Variants in TRIM49B observed in about 807,000 individuals in gnomAD.
TRIM49B encodes putative tripartite motif-containing protein 49B.
A neutral mutation model predicts 31.8 loss-of-function variants in TRIM49B; 18 were observed. The observed-to-expected ratio is 0.57, with a 90% CI of 0.39 to 0.84. The LOEUF (loss-of-function observed/expected upper bound fraction) is 0.84. Among genes scored for constraint, TRIM49B ranks in the 40% least tolerant of loss-of-function variants. The pLI is 0.00. For missense variants in TRIM49B, 494 were observed against 538.7 expected (o/e 0.92, Z 0.82); for synonymous variants, 196 against 180.6 (o/e 1.09, Z -0.68).
intron 2 of TRIM49B, 26 bp from the exon 3 acceptor site, chr11:49,032,250 T>A (rs1244721235): frequency 1.9e-5 from 31 of 1,612,522 alleles, no homozygotes; most frequent in Non-Finnish European, 2.4e-5. Context: ...TCTGCACTGG[T>A]GCTTCAATTT....
chr11:49,034,086 G>A (rs1854488233), intron 3 of TRIM49B, 60 bp from the exon 4 acceptor site: 2 of 1,609,238 alleles, frequency 1.2e-6, no homozygotes, highest in Non-Finnish European at 1.7e-6. Flanking sequence ...AGGAATCAGT[G>A]AGATTTAATA....
intron 5 of TRIM49B, among the ~76,000 whole-genome samples, chr11:49,035,773 C>T (rs1193583548): frequency 2.6e-5 from 4 of 151,954 alleles, no homozygotes; most frequent in Admixed American, 2.6e-4. Flanking sequence ...AGTATTTTAG[C>T]AGTGAAAAAG....
intron 5 of TRIM49B, 28 bp from the exon 6 acceptor site, chr11:49,036,273 T>C: frequency 6.4e-7 from 1 of 1,570,448 alleles, no homozygotes; most frequent in Non-Finnish European, 8.7e-7. Flanking sequence ...TGGCTGTAGA[T>C]GTTGTAACTG....
chr11:49,032,042 A>G, intron 2 of TRIM49B, 32 bp downstream of exon 2: 1 of 1,611,812 alleles, frequency 6.2e-7, no homozygotes, highest in Non-Finnish European at 8.5e-7. Context: ...CGATTTCTGT[A>G]AAGGATACAT....
rs1162056301 is a variant in TRIM49B, at chr11:49,035,339, A to AT, written c.761+260dup. ...ACTAAAACAAACAATTTGATTCCTG[A>AT]TTTTTTTTTTTTTTTTTTTTTTTTT... On this transcript the variant is annotated intron_variant, in intron 5 of 6. Coordinates refer to ENST00000332682, the MANE Select transcript of TRIM49B (RefSeq NM_001206626.2). 3.8e-3 allele frequency among the ~76,000 whole-genome samples: 216 copies of AT among 56,800 alleles called. 42 individuals are homozygous for AT. Among genetic ancestry groups the AT allele is most frequent in the South Asian group, 0.012 (12 of 984 alleles). The allele number at this position is 56,800 out of a possible 152,430, so 37.3% of individuals were successfully genotyped here. A position where few individuals can be genotyped will look rare whatever the true frequency, so the allele number is the denominator to read the frequency against.
intron 1 of TRIM49B, among the ~76,000 whole-genome samples, chr11:49,030,188 T>G (rs1405253704): frequency 6.6e-6 from 1 of 151,884 alleles, no homozygotes; most frequent in Non-Finnish European, 1.5e-5. Flanking sequence ...AATACAAAAA[T>G]TAGCCAGGCC....
intron 1 of TRIM49B, among the ~76,000 whole-genome samples, chr11:49,030,389 A>G (rs1159921095): frequency 6.6e-6 from 1 of 152,162 alleles, no homozygotes; most frequent in Non-Finnish European, 1.5e-5. Flanking sequence ...TTCTCAGAAC[A>G]TACATCTGTC....
At position 49,036,307 on chromosome 11, in the gene TRIM49B, G is replaced by A. The variant is rs1251815418; in HGVS notation, c.768G>A (p.Glu256=). 5 of 1,540,146 alleles carry A rather than the reference G, an allele frequency of 3.2e-6. No homozygotes were observed. In the South Asian group the frequency reaches 3.6e-5, roughly 11 times the overall value. The part of the protein sequence containing the change: ...QAFGDILHRS[E]SVLLHMPQPL... ...TGCAGGTTTTTCCTTGCAGGAGTGA[G>A]TCCGTGCTGCTGCACATGCCCCAGC... The change falls in exon 6 of 7, where the codon GAG becomes GAA. Residue 256 remains glutamate, a synonymous_variant. Coordinates refer to ENST00000332682, the MANE Select transcript of TRIM49B (RefSeq NM_001206626.2).
chr11:49,037,045 T>A (rs1330391421), intron 6 of TRIM49B, among the ~76,000 whole-genome samples: 1 of 152,202 alleles, frequency 6.6e-6, no homozygotes, highest in Non-Finnish European at 1.5e-5. Flanking sequence ...TGCTTTAAAT[T>A]ATCACTTATA....
At position 49,037,824 on chromosome 11, in the gene TRIM49B, C is replaced by T; in HGVS notation, c.1206C>T (p.Ile402=). The part of the protein sequence containing the change: ...FTTSPLLLQY[I]PRPTSRVGLF... ...CCTCCCCACTTCTGCTGCAATATAT[C>T]CCAAGACCTACCAGCCGAGTAGGAT... The change falls in exon 7 of 7, where the codon ATC becomes ATT. Residue 402 remains isoleucine (I), a synonymous_variant. Transcript: ENST00000332682. 3 of 1,613,926 alleles carry T rather than the reference C, an allele frequency of 1.9e-6. No homozygotes were observed. The highest frequency in any genetic ancestry group is 2.5e-6 in the Non-Finnish European group (3 of 1,179,860).
Position 49,031,673 on chromosome 11 carries a change from C to A in TRIM49B, c.74C>A (p.Pro25Gln), listed in dbSNP as rs577709298. 8.7e-6 allele frequency: 14 copies of A among 1,613,812 alleles called. No homozygotes were observed. In the South Asian group the frequency reaches 1.5e-4, roughly 18 times the overall value. The change falls in exon 2 of 7, where the codon CCG becomes CAG. Residue 25 changes from proline (P) to glutamine (Q), a missense_variant. Physicochemically the swap from Pro to Gln is moderately conservative, Grantham distance 76. Transcript: ENST00000332682. ...CPICMNYFID[P>Q]VTIDCGHSFC... ...ATCTGCATGAACTACTTCATAGACC[C>A]GGTCACCATAGACTGTGGGCACAGC...
At chr11:49,029,944 G>C (rs1054835132) in intron 1 of TRIM49B, among the ~76,000 whole-genome samples, 1 of 152,152 alleles carries the variant, frequency 6.6e-6, no homozygotes, top group African/African-American at 2.4e-5. Context: ...CAGGTTTGTA[G>C]CCTATTGTAG....
chr11:49,029,737 C>T (rs1408081674), intron 1 of TRIM49B, among the ~76,000 whole-genome samples: 2 of 152,138 alleles, frequency 1.3e-5, no homozygotes, highest in African/African-American at 4.8e-5. Context: ...CAGACAGAAC[C>T]ATAGGATGTA....
Position 49,032,290 on chromosome 11 carries a change from G to A in TRIM49B, c.426G>A (p.Gln142=). 1 of 1,612,974 alleles carries A rather than the reference G, an allele frequency of 6.2e-7. No homozygotes were observed. The highest frequency in any genetic ancestry group is 8.5e-7 in the Non-Finnish European group (1 of 1,179,760). The part of the protein sequence containing the change: ...AAEEHQEKLL[Q]KMQSLWEKAC... Reference sequence around the variant, plus strand: ...CTCTTTTGCAGGAGAAGCTTTTACAGAAAATGCAGTCTTTGTGGGAAAAAG... The same window carrying A: ...CTCTTTTGCAGGAGAAGCTTTTACAAAAAATGCAGTCTTTGTGGGAAAAAG... The change falls in exon 3 of 7, where the codon CAG becomes CAA. Residue 142 remains glutamine (Q), a synonymous_variant. Transcript: ENST00000332682.
intron 3 of TRIM49B, among the ~76,000 whole-genome samples, chr11:49,032,627 T>C (rs529291634): frequency 2.6e-5 from 4 of 151,904 alleles, no homozygotes; most frequent in Admixed American, 1.3e-4. Context: ...CCTATAGTTA[T>C]ACACCAACAG....
Position 49,037,637 on chromosome 11 carries a change from A to G in TRIM49B, c.1019A>G (p.Lys340Arg). Residue 340 changes from lysine (K) to arginine (R), a missense_variant, in exon 7 of 7, where the codon AAA becomes AGA. Physicochemically the swap from Lys to Arg is conservative, Grantham distance 26 (BLOSUM62 2). Around this residue, in one of 3 missense-constraint regions of TRIM49B, gnomAD observed 233 missense variants for 281.4 expected, o/e 0.83. Coordinates refer to ENST00000332682, the MANE Select transcript of TRIM49B (RefSeq NM_001206626.2). ...GGTGCTCAGACTTTCACCTCGGGCAAATATTACTGGGAGGTCCATGTAGGG... is the reference window on the plus strand; with the variant it reads ...GGTGCTCAGACTTTCACCTCGGGCAGATATTACTGGGAGGTCCATGTAGGG... ...AWGAQTFTSG[K>R]YYWEVHVGDS... The G allele has an allele frequency of 6.2e-7, 1 of 1,613,970 alleles. No individual in the cohort carries two copies. Among genetic ancestry groups the G allele is most frequent in the Non-Finnish European group, 8.5e-7 (1 of 1,179,886 alleles).
chr11:49,033,842 T>C (rs1854484996), intron 3 of TRIM49B, among the ~76,000 whole-genome samples: 1 of 152,234 alleles, frequency 6.6e-6, no homozygotes, highest in Non-Finnish European at 1.5e-5. Flanking sequence ...ACTCCAACTC[T>C]TAAGCATGAA....
intron 2 of TRIM49B, 97 bp downstream of exon 2, chr11:49,032,107 CT>C (rs1274808748): frequency 1.2e-6 from 2 of 1,601,632 alleles, no homozygotes; most frequent in African/African-American, 2.7e-5. Context: ...CTCTGAGTCC[CT>C]TTAAGCAGCT....
At chr11:49,036,615 A>C (rs556029675) in intron 6 of TRIM49B, among the ~76,000 whole-genome samples, 2 of 152,328 alleles carry the variant, frequency 1.3e-5, no homozygotes, top group South Asian at 2.1e-4. Context: ...TTTCTGGCAT[A>C]ATATGTACTG....
Sources: allele counts gnomAD v4.1 joint callset (sites outside exome capture counted in the v4.1 genomes callset), GRCh38; gene constraint gnomAD v4.1.1; regional missense constraint gnomAD v4.1.1; transcripts MANE v1.5; gene names NCBI Gene and HGNC (gene_info 2026-07-23, HGNC 2026-07-21).